Variants in ABHD18 observed in about 807,000 individuals in gnomAD.
The protein encoded by ABHD18 is abhydrolase domain containing 18, also known as cardiolipin-specific deacylase, mitochondrial.
Under a neutral mutation model 65.9 loss-of-function variants are expected in ABHD18, and 55 were observed. The ratio of observed to expected loss-of-function variants is 0.84; its 90% CI spans 0.67 to 1.05. The LOEUF (loss-of-function observed/expected upper bound fraction) is 1.05, where lower values mean the gene tolerates loss of function less well. Ranked by LOEUF, ABHD18 falls within the 50% of genes least tolerant of loss-of-function variation. The pLI is 0.00. For missense variants in ABHD18, 533 were observed against 558.5 expected (o/e 0.95, Z 0.46); for synonymous variants, 181 against 180.2 (o/e 1.00, Z -0.04).
intron 11 of ABHD18, among the ~76,000 whole-genome samples, chr4:128,029,544 C>T (rs1011550700): frequency 6.6e-6 from 1 of 152,190 alleles, no homozygotes; most frequent in South Asian, 2.1e-4. Flanking sequence ...AGCTGGGTGG[C>T]CGGGCCCAGT....
chr4:127,968,747 A>G (rs538354221), intron 1 of ABHD18, among the ~76,000 whole-genome samples: 2 of 152,262 alleles, frequency 1.3e-5, no homozygotes, highest in East Asian at 1.9e-4. Context: ...AATAGGTTCT[A>G]TTTCTGCAGA....
At chr4:128,012,857 G>C (rs1263654863) in intron 7 of ABHD18, among the ~76,000 whole-genome samples, 1 of 151,782 alleles carries the variant, frequency 6.6e-6, no homozygotes, top group South Asian at 2.1e-4. Context: ...CTTGGTGTCA[G>C]TAGTTCGAGA....
intron 1 of ABHD18, among the ~76,000 whole-genome samples, chr4:127,968,521 T>C (rs1350706434): frequency 6.6e-6 from 1 of 152,176 alleles, no homozygotes; most frequent in African/African-American, 2.4e-5. Flanking sequence ...CAGAAAAAAT[T>C]AGTATTGCAT....
intron 4 of ABHD18, 97 bp downstream of exon 4, chr4:127,989,918 C>A: frequency 1.4e-6 from 1 of 699,144 alleles, no homozygotes; most frequent in Non-Finnish European, 2.2e-6. Flanking sequence ...AGTAACAAGG[C>A]AGGCCTAAAT....
chr4:127,992,300 C>T (rs957791977), intron 4 of ABHD18, among the ~76,000 whole-genome samples: 4 of 151,942 alleles, frequency 2.6e-5, no homozygotes, highest in African/African-American at 7.2e-5. Context: ...AGTGAAACCC[C>T]GTCTCTACTA....
At chr4:128,010,995 A>AT (rs1353074649) in intron 6 of ABHD18, among the ~76,000 whole-genome samples, 1 of 151,656 alleles carries the variant, frequency 6.6e-6, no homozygotes, top group Non-Finnish European at 1.5e-5. Flanking sequence ...CTTTAATCTG[A>AT]TTTTTTGTAC....
At chr4:127,976,817 G>A (rs1362955261) in intron 1 of ABHD18, among the ~76,000 whole-genome samples, 2 of 152,070 alleles carry the variant, frequency 1.3e-5, no homozygotes, top group Non-Finnish European at 2.9e-5. Flanking sequence ...CAAGGCGGGC[G>A]GATCACAAGG....
intron 7 of ABHD18, among the ~76,000 whole-genome samples, chr4:128,013,315 A>C (rs763365350): frequency 2.0e-5 from 3 of 152,186 alleles, no homozygotes; most frequent in Non-Finnish European, 1.5e-5. Flanking sequence ...ACTAGGTAGT[A>C]GTGGAAATGG....
chr4:127,982,128 TA>T (rs1749164161), intron 1 of ABHD18, among the ~76,000 whole-genome samples: 1 of 152,170 alleles, frequency 6.6e-6, no homozygotes. Flanking sequence ...AAGTATTTCT[TA>T]AAGCCCATTG....
chr4:127,990,180 CACAA>C (rs1191584953), intron 4 of ABHD18, among the ~76,000 whole-genome samples: 3 of 152,162 alleles, frequency 2.0e-5, no homozygotes, highest in Non-Finnish European at 4.4e-5. Context: ...CACAAGTATG[CACAA>C]ACAATCACAG....
intron 1 of ABHD18, 109 bp from the exon 2 acceptor site, chr4:127,982,830 C>T (rs555719488): frequency 1.9e-5 from 11 of 580,708 alleles, no homozygotes; most frequent in Admixed American, 7.0e-5. Flanking sequence ...GGAATTAATT[C>T]GTCTCAATCT....
At chr4:128,006,482 T>G (rs969721523) in intron 4 of ABHD18, among the ~76,000 whole-genome samples, 8 of 152,122 alleles carry the variant, frequency 5.3e-5, no homozygotes, top group Non-Finnish European at 7.3e-5. Context: ...CATTCTAAAT[T>G]TATCTGTCTT....
chr4:128,020,011 T>C lies in ABHD18; in HGVS notation c.610-69T>C, dbSNP rs1756206379. 2.9e-6 allele frequency: 3 copies of C among 1,027,546 alleles called. No homozygotes were observed. In the South Asian group the frequency reaches 4.9e-5, roughly 17 times the overall value. The allele number at this position is 1,027,546 out of a possible 1,614,324, so 63.7% of individuals were successfully genotyped here. A position where few individuals can be genotyped will look rare whatever the true frequency, so the allele number is the denominator to read the frequency against. On this transcript the variant is annotated intron_variant, in intron 8 of 12. Coordinates refer to ENST00000645843, the MANE Select transcript of ABHD18 (RefSeq NM_001358451.3). ...ACTATTTACTGCACGGAATGCTTAT[T>C]AATATTAAATATTTTTATTTTAATG... is the stretch of plus-strand genomic sequence containing the variant.
chr4:127,977,197 G>T (rs577138740), intron 1 of ABHD18, among the ~76,000 whole-genome samples: 44 of 152,080 alleles, frequency 2.9e-4, no homozygotes, highest in Non-Finnish European at 4.9e-4. Context: ...AACAAGCTGG[G>T]CGTGGTGGCT....
At chr4:128,002,719 C>T (rs954701886) in intron 4 of ABHD18, among the ~76,000 whole-genome samples, 2 of 152,112 alleles carry the variant, frequency 1.3e-5, no homozygotes, top group African/African-American at 4.8e-5. Context: ...TCTGGGCTCA[C>T]GACAAGCCCT....
chr4:128,010,784 G>A (rs374243350), intron 6 of ABHD18, among the ~76,000 whole-genome samples: 14 of 150,760 alleles, frequency 9.3e-5, no homozygotes, highest in East Asian at 4.0e-4. Flanking sequence ...GCGTGGTGGC[G>A]TGTGCCTGTA....
At position 128,037,807 on chromosome 4, in the gene ABHD18, T is replaced by G. The variant is rs1463183981; in HGVS notation, c.*1994T>G. ...ATAAACTTTATTTTACAGAAAATAT[T>G]TAAAGTTTTATGTAATAGCTATTAA... is the stretch of plus-strand genomic sequence containing the variant. On this transcript the variant is annotated 3_prime_UTR_variant, in exon 13 of 13. Transcript: ENST00000645843. 1 of 147,194 alleles carries G rather than the reference T, an allele frequency of 6.8e-6. No individual in the cohort carries two copies. The highest frequency in any genetic ancestry group is 1.5e-5 in the Non-Finnish European group (1 of 66,976). The allele number at this position is 147,194 out of a possible 1,614,324, so 9.1% of individuals were successfully genotyped here.
At chr4:128,020,041 G>A in intron 8 of ABHD18, 39 bp from the exon 9 acceptor site, 1 of 1,341,356 alleles carries the variant, frequency 7.5e-7, no homozygotes, top group Non-Finnish European at 1.0e-6. Flanking sequence ...TTAATGAATA[G>A]AAACTCTAAA....
At chr4:128,006,816 G>C (rs1211990268) in intron 4 of ABHD18, among the ~76,000 whole-genome samples, 1 of 152,202 alleles carries the variant, frequency 6.6e-6, no homozygotes, top group Admixed American at 6.5e-5. Flanking sequence ...CACGTGTGGT[G>C]ACTCATGTCC....
Sources: gnomAD v4.1 joint callset for allele counts (sites outside exome capture counted in the v4.1 genomes callset) on GRCh38, gnomAD v4.1.1 for gene constraint, MANE v1.5 for transcripts, NCBI Gene and HGNC (gene_info 2026-07-23, HGNC 2026-07-21) for gene names.